Variants in GLIS3 observed in about 807,000 individuals in gnomAD.
GLIS3 encodes the protein GLIS family zinc finger 3.
In GLIS3, 53 loss-of-function variants were observed where a neutral mutation model predicts 78.6. The observed-to-expected ratio is 0.67, with a 90% CI of 0.54 to 0.85. The LOEUF is 0.85. Among genes scored for constraint, GLIS3 ranks in the 40% least tolerant of loss-of-function variants. GLIS3 has a pLI of 0.00. For synonymous variants in GLIS3, 684 were observed against 509.9 expected (o/e 1.34, Z -4.60); for missense variants, 1,703 against 1,231.1 (o/e 1.38, Z -5.74).
At chr9:4,277,513 CAA>C (rs971790996) in intron 2 of GLIS3, among the ~76,000 whole-genome samples, 1 of 152,220 alleles carries the variant, frequency 6.6e-6, no homozygotes, top group South Asian at 2.1e-4. Context: ...TTAAGTGACA[CAA>C]AAGAGTTTTT....
At chr9:4,421,635 C>A in the GLIS3 span, among the ~76,000 whole-genome samples, 1 of 152,202 alleles carries the variant, frequency 6.6e-6, no homozygotes, top group Non-Finnish European at 1.5e-5. Flanking sequence ...GAAGAGGGTG[C>A]TCTCATTTAT....
At chr9:4,059,109 T>G (rs771545970) in intron 4 of GLIS3, among the ~76,000 whole-genome samples, 57 of 152,196 alleles carry the variant, frequency 3.7e-4, no homozygotes, top group Non-Finnish European at 5.9e-4. Flanking sequence ...TACTGCAGCT[T>G]TAATCAGATT....
intron 2 of GLIS3, among the ~76,000 whole-genome samples, chr9:4,256,326 G>A (rs951182704): frequency 2.0e-5 from 3 of 152,092 alleles, no homozygotes; most frequent in Non-Finnish European, 4.4e-5. Context: ...AAGTATGAAA[G>A]GTTAATGTTT....
chr9:4,418,012 C>A, the GLIS3 span, among the ~76,000 whole-genome samples: 1 of 152,204 alleles, frequency 6.6e-6, no homozygotes, highest in Non-Finnish European at 1.5e-5. Context: ...CTCCTGTCCA[C>A]TAAAACCCGC....
chr9:4,436,809 TCAAAAAAAAA>T, the GLIS3 span, among the ~76,000 whole-genome samples: 1 of 25,564 alleles, frequency 3.9e-5, no homozygotes, highest in Non-Finnish European at 6.0e-5. Context: ...AGACTGCATC[TCAAAAAAAAA>T]AAAAAAAAAA....
intron 2 of GLIS3, among the ~76,000 whole-genome samples, chr9:4,346,088 T>C (rs987707329): frequency 6.6e-6 from 1 of 152,182 alleles, no homozygotes; most frequent in Non-Finnish European, 1.5e-5. Flanking sequence ...CTTGTTTTAA[T>C]AGCTAAAGAA....
chr9:4,097,707 G>C lies in GLIS3; in HGVS notation c.1710+20061C>G, dbSNP rs572989848. Among the ~76,000 whole-genome samples the C allele has an allele frequency of 2.6e-5, 4 of 152,254 alleles. No homozygotes were observed. In the South Asian group the frequency reaches 8.3e-4, roughly 32 times the overall value. ...ATTGTTGTTGAATGTGAAGCACACT[G>C]AATTGCTCAATATGAAAAACATCTC... On this transcript the variant is annotated intron_variant, in intron 4 of 10. Coordinates refer to ENST00000381971, the MANE Select transcript of GLIS3 (RefSeq NM_001042413.2).
intron 6 of GLIS3, among the ~76,000 whole-genome samples, chr9:3,922,333 T>C (rs1331179256): frequency 6.6e-6 from 1 of 152,134 alleles, no homozygotes. Flanking sequence ...TATAGAAAGA[T>C]AGGCACCAAA....
intron 2 of GLIS3, among the ~76,000 whole-genome samples, chr9:4,243,816 T>C (rs369451566): frequency 6.6e-6 from 1 of 152,202 alleles, no homozygotes; most frequent in African/African-American, 2.4e-5. Context: ...ACTACCACAA[T>C]GATTTACATT....
At chr9:4,456,248 T>A in the GLIS3 span, among the ~76,000 whole-genome samples, 3 of 152,208 alleles carry the variant, frequency 2.0e-5, no homozygotes, top group African/African-American at 7.2e-5. Context: ...CTCAGAAAGT[T>A]GTAAATTTTT....
chr9:3,905,084 T>C (rs1228196100), intron 6 of GLIS3, among the ~76,000 whole-genome samples: 2 of 150,510 alleles, frequency 1.3e-5, no homozygotes, highest in Non-Finnish European at 3.0e-5. Flanking sequence ...GCCATTCTCC[T>C]GCCTCAGCCT....
At chr9:4,205,557 G>T (rs1819801200) in intron 2 of GLIS3, among the ~76,000 whole-genome samples, 1 of 152,216 alleles carries the variant, frequency 6.6e-6, no homozygotes, top group South Asian at 2.1e-4. Context: ...AGAGAGGAAA[G>T]TCTAGAGGTG....
At chr9:4,393,607 G>A in the GLIS3 span, among the ~76,000 whole-genome samples, 2 of 152,070 alleles carry the variant, frequency 1.3e-5, no homozygotes, top group African/African-American at 2.4e-5. Context: ...TTCTGTTTCT[G>A]ACCTTGATAT....
At chr9:3,973,819 C>T (rs1045358841) in intron 4 of GLIS3, among the ~76,000 whole-genome samples, 6 of 151,904 alleles carry the variant, frequency 3.9e-5, no homozygotes, top group African/African-American at 1.5e-4. Flanking sequence ...CATTTCAAAC[C>T]ACATAATTAA....
chr9:4,022,950 C>A (rs1452271431), intron 4 of GLIS3, among the ~76,000 whole-genome samples: 1 of 152,162 alleles, frequency 6.6e-6, no homozygotes, highest in South Asian at 2.1e-4. Flanking sequence ...CATGAGGCAA[C>A]TTTGGAGGTG....
intron 4 of GLIS3, among the ~76,000 whole-genome samples, chr9:4,060,266 TCTTTA>T (rs1333595488): frequency 6.6e-6 from 1 of 152,156 alleles, no homozygotes; most frequent in African/African-American, 2.4e-5. Flanking sequence ...CCCATTTCTG[TCTTTA>T]CTTCAACTTT....
the GLIS3 span, among the ~76,000 whole-genome samples, chr9:4,396,401 T>C: frequency 3.3e-5 from 5 of 152,230 alleles, no homozygotes; most frequent in East Asian, 1.9e-4. Flanking sequence ...AGTGCTGGGA[T>C]TGCAGGCATG....
At chr9:4,355,652 C>G in the GLIS3 span, among the ~76,000 whole-genome samples, 1 of 152,038 alleles carries the variant, frequency 6.6e-6, no homozygotes, top group Admixed American at 6.5e-5. Flanking sequence ...TTAATCATAC[C>G]CCATCTTTTA....
intron 1 of GLIS3, among the ~76,000 whole-genome samples, chr9:4,347,334 G>A (rs1156856266): frequency 6.6e-6 from 1 of 152,064 alleles, no homozygotes; most frequent in African/African-American, 2.4e-5. Context: ...CTGCCCTCAT[G>A]ACCTAAACAC....
Sources: allele counts gnomAD v4.1 joint callset (sites outside exome capture counted in the v4.1 genomes callset), GRCh38; gene constraint gnomAD v4.1.1; transcripts MANE v1.5; gene names NCBI Gene and HGNC (gene_info 2026-07-23, HGNC 2026-07-21).